Variants in HDAC4 observed in about 807,000 individuals in gnomAD.
The protein encoded by HDAC4 is histone deacetylase 4, also known as histone deacetylase A.
HDAC4 carries 16 observed loss-of-function variants against 135.1 expected under a neutral mutation model. That is an observed-to-expected ratio of 0.12 (90% CI 0.08 to 0.18). HDAC4 has a LOEUF of 0.18. HDAC4 is among the 10% of genes least tolerant of loss of function. HDAC4 has a pLI of 1.00. For synonymous variants in HDAC4, 685 were observed against 653.4 expected (o/e 1.05, Z -0.74); for missense variants, 1,143 against 1,511.8 (o/e 0.76, Z 4.05).
intron 13 of HDAC4, among the ~76,000 whole-genome samples, chr2:239,112,391 C>G (rs1022130832): frequency 2.0e-5 from 3 of 152,224 alleles, no homozygotes; most frequent in Admixed American, 2.0e-4. Context: ...GCTTCATCTG[C>G]AGCCGCTCCC....
chr2:239,257,364 G>C (rs2049110105), intron 2 of HDAC4, among the ~76,000 whole-genome samples: 1 of 152,072 alleles, frequency 6.6e-6, no homozygotes, highest in South Asian at 2.1e-4. Flanking sequence ...AAAAAAAACA[G>C]TGAAGAATTA....
At chr2:239,290,737 C>T (rs985470981) in intron 2 of HDAC4, among the ~76,000 whole-genome samples, 16 of 152,056 alleles carry the variant, frequency 1.1e-4, no homozygotes, top group African/African-American at 3.6e-4. Flanking sequence ...CGTACGCACA[C>T]ACGCGCACGC....
Position 239,115,190 on chromosome 2 carries a change from G to A in HDAC4, c.1654C>T (p.Gln552Ter), listed in dbSNP as rs1244157198. The change falls in exon 13 of 27, where the codon CAG (glutamine) becomes TAG (stop). Residue 552 changes from glutamine (Q) to a stop codon, truncating the protein, a stop_gained. Transcript: ENST00000543185. LOFTEE classifies it high-confidence loss of function. This position sits in a 1 kb window ranked among gnomAD's most constrained non-coding sequence, Gnocchi z 6.3. ...DEPYLDRLPGQKEAHAQAGVQ... is the reference protein window; with the variant it reads ...DEPYLDRLPG ...CCGGCCTGTGCGTGCGCCTCCTTCT[G>A]CCCCGGCAGCCGGTCCAGGTAGGGC... 6.2e-7 allele frequency: 1 copy of A among 1,610,766 alleles called. No individual in the cohort carries two copies. Among genetic ancestry groups the A allele is most frequent in the African/African-American group, 1.3e-5 (1 of 74,922 alleles).
intron 1 of HDAC4, among the ~76,000 whole-genome samples, chr2:239,372,493 C>T (rs984243929): frequency 8.5e-5 from 13 of 152,226 alleles, no homozygotes; most frequent in African/African-American, 2.4e-4. Context: ...CGCACACACG[C>T]GCGCACACAC....
chr2:239,213,943 G>A (rs966730666), intron 3 of HDAC4, among the ~76,000 whole-genome samples: 1 of 152,246 alleles, frequency 6.6e-6, no homozygotes, highest in African/African-American at 2.4e-5. Flanking sequence ...ACTGAGGCAG[G>A]GAGGTAGAGA....
intron 2 of HDAC4, among the ~76,000 whole-genome samples, chr2:239,282,711 C>T (rs2050872340): frequency 1.3e-5 from 2 of 148,152 alleles, no homozygotes; most frequent in East Asian, 2.0e-4. Context: ...ACTCTGCAAA[C>T]AATGTACACA....
intron 1 of HDAC4, among the ~76,000 whole-genome samples, chr2:239,359,364 C>T (rs553680680): frequency 5.9e-5 from 9 of 152,358 alleles, no homozygotes; most frequent in East Asian, 1.9e-4. Flanking sequence ...CACTTTTACA[C>T]GCACAGCCAA....
chr2:239,253,173 T>A (rs1034372006), intron 2 of HDAC4, among the ~76,000 whole-genome samples: 3 of 152,232 alleles, frequency 2.0e-5, no homozygotes, highest in Admixed American at 1.3e-4. Flanking sequence ...AGATGATAAA[T>A]CTTGTACCAC....
intron 2 of HDAC4, among the ~76,000 whole-genome samples, chr2:239,317,639 G>A (rs1227305422): frequency 6.6e-6 from 1 of 152,148 alleles, no homozygotes; most frequent in Non-Finnish European, 1.5e-5. Context: ...GAATCTATGA[G>A]TTCAAACTAA....
intron 12 of HDAC4, among the ~76,000 whole-genome samples, chr2:239,124,738 C>T (rs13033938): frequency 4.5e-3 from 262 of 57,780 alleles, no homozygotes; most frequent in Admixed American, 6.5e-3. Context: ...CGTGTGGCTG[C>T]GTTATATGAC....
At position 239,049,569 on chromosome 2, in the gene HDAC4, G is replaced by C. The variant is rs1212984295; in HGVS notation, c.*3528C>G. 3.9e-5 allele frequency: 6 copies of C among 152,546 alleles called. No homozygotes were observed. The highest frequency in any genetic ancestry group is 1.4e-4 in the African/African-American group (6 of 41,454). 9.4% of individuals were successfully genotyped at this position (152,546 alleles called of 1,614,324 possible). The stretch of plus-strand genomic sequence containing the variant: ...TGGAATGAGCACGTGGCTGTGACCA[G>C]TAAAGAAGGAATGTTCTGATCAAAA... On this transcript the variant is annotated 3_prime_UTR_variant, in exon 27 of 27. Transcript: ENST00000543185.
intron 12 of HDAC4, among the ~76,000 whole-genome samples, chr2:239,120,736 G>A (rs1338469627): frequency 6.6e-6 from 1 of 151,898 alleles, no homozygotes; most frequent in Non-Finnish European, 1.5e-5. Flanking sequence ...AGCAGCCCAG[G>A]GGCCATTCTG....
intron 25 of HDAC4, among the ~76,000 whole-genome samples, chr2:239,054,001 A>AG (rs2031349382): frequency 2.0e-5 from 3 of 150,164 alleles, no homozygotes; most frequent in South Asian, 4.2e-4. Flanking sequence ...GCTGGGGCTG[A>AG]GGGGTCTTCT....
intron 2 of HDAC4, among the ~76,000 whole-genome samples, chr2:239,251,183 G>A (rs956412147): frequency 2.0e-5 from 3 of 152,156 alleles, no homozygotes; most frequent in Admixed American, 6.5e-5. Context: ...TATACACCAC[G>A]TAGTTTTATT....
intron 2 of HDAC4, among the ~76,000 whole-genome samples, chr2:239,301,216 C>G (rs2125616792): frequency 6.6e-6 from 1 of 152,330 alleles, no homozygotes; most frequent in South Asian, 2.1e-4. Context: ...GGGTATCTCC[C>G]TCTTCCCAGC....
At chr2:239,274,363 A>G (rs890183107) in intron 2 of HDAC4, among the ~76,000 whole-genome samples, 1 of 152,086 alleles carries the variant, frequency 6.6e-6, no homozygotes, top group African/African-American at 2.4e-5. Flanking sequence ...ATATAAACAC[A>G]CTTGTGATCA....
chr2:239,082,282 G>C, intron 20 of HDAC4, 61 bp from the exon 21 acceptor site: 1 of 1,609,192 alleles, frequency 6.2e-7, no homozygotes. Context: ...GGCCTCCCCT[G>C]AGGGCCGTCC....
At chr2:239,170,414 C>T (rs556712177) in intron 5 of HDAC4, among the ~76,000 whole-genome samples, 138 of 152,280 alleles carry the variant, frequency 9.1e-4, no homozygotes, top group African/African-American at 3.3e-3. Context: ...CAAAAATGTC[C>T]TATTTGGAAA....
Position 239,092,761 on chromosome 2 carries a change from G to A in HDAC4, c.2280+2249C>T, listed in dbSNP as rs573583186. ...AGGGAGCCTGGCTCAGGCGTGCAGC[G>A]CCACCACTGAGCAATAGCCTGGCTC... On this transcript the variant is annotated intron_variant, in intron 17 of 26. Coordinates refer to ENST00000543185, the MANE Select transcript of HDAC4 (RefSeq NM_001378414.1). Among the ~76,000 whole-genome samples, 335 of 152,214 alleles carry A rather than the reference G, an allele frequency of 2.2e-3. 1 individual carries two copies. The highest frequency in any genetic ancestry group is 7.6e-3 in the African/African-American group (317 of 41,520).
Sources: allele counts gnomAD v4.1 joint callset (sites outside exome capture counted in the v4.1 genomes callset), GRCh38; gene constraint gnomAD v4.1.1; non-coding constraint Gnocchi (gnomAD v3.1); transcripts MANE v1.5; gene names NCBI Gene and HGNC (gene_info 2026-07-23, HGNC 2026-07-21).